Variants in SLCO1C1 observed in about 807,000 individuals in gnomAD.
The protein encoded by SLCO1C1 is solute carrier organic anion transporter family member 1C1, also known as OAT-RP-5.
In SLCO1C1, 70 loss-of-function variants were observed where a neutral mutation model predicts 76.4. The observed-to-expected ratio is 0.92, with a 90% CI of 0.76 to 1.12. The LOEUF is 1.12. Among genes scored for constraint, SLCO1C1 ranks in the 50% most tolerant of loss-of-function variants. The pLI, the probability that SLCO1C1 is intolerant of heterozygous loss-of-function variation, is 0.00. For missense variants in SLCO1C1, 912 were observed against 823.8 expected, an observed-to-expected ratio of 1.11 and a Z score of -1.31; for synonymous variants, 306 against 286.1, an observed-to-expected ratio of 1.07 and a Z score of -0.70.
At chr12:20,745,336 A>T (rs1948993002) in intron 13 of SLCO1C1, among the ~76,000 whole-genome samples, 1 of 152,178 alleles carries the variant, frequency 6.6e-6, no homozygotes, top group South Asian at 2.1e-4. Context: ...ATACATGAAA[A>T]ACTTTAAATG....
chr12:20,735,747 C>T (rs895872206), intron 10 of SLCO1C1, among the ~76,000 whole-genome samples: 4 of 152,028 alleles, frequency 2.6e-5, no homozygotes, highest in African/African-American at 9.7e-5. Flanking sequence ...TTATGGTTGC[C>T]ATCATTAATG....
chr12:20,704,940 G>C (rs777844560), intron 3 of SLCO1C1, among the ~76,000 whole-genome samples: 2 of 151,840 alleles, frequency 1.3e-5, no homozygotes, highest in African/African-American at 4.8e-5. Context: ...GTTTATCAAA[G>C]CATGTTCTAG....
At chr12:20,717,703 TCATTTTTAGGTGGAAGCATGTTACAGCA>T (rs1947450928) in intron 7 of SLCO1C1, among the ~76,000 whole-genome samples, 2 of 116,594 alleles carry the variant, frequency 1.7e-5, no homozygotes, top group South Asian at 6.0e-4. Flanking sequence ...ACTCTGCAAG[TCATTTTTAGGTGGAAGCATGTTACAGCA>T]CATTATCGAG....
In SLCO1C1 at chr12:20,733,115, T is replaced by G. The variant is rs754160051; in HGVS notation, c.1382+11T>G. 1 of 1,536,300 alleles carries G rather than the reference T, an allele frequency of 6.5e-7. No homozygotes were observed. The highest frequency in any genetic ancestry group is 2.2e-5 in the Admixed American group (1 of 44,734). On this transcript the variant is annotated intron_variant, in intron 10 of 14. Transcript: ENST00000266509. ...TGTCTCCTACCAAGGGTATGTTCCC[T>G]CATTAAATAGTTTGAGGATATTGGT...
chr12:20,732,766 C>T, intron 9 of SLCO1C1, 143 bp from the exon 10 acceptor site: 1 of 829,662 alleles, frequency 1.2e-6, no homozygotes. Flanking sequence ...AGATACTCAT[C>T]ATACACTCTT....
chr12:20,745,140 G>A (rs34100556), intron 13 of SLCO1C1, among the ~76,000 whole-genome samples: 13,537 of 152,152 alleles, frequency 0.089, 774 homozygotes, highest in Non-Finnish European at 0.13. Flanking sequence ...TTTAAAAAAT[G>A]GTTACCTGTA....
chr12:20,708,280 A>G (rs1025757494), intron 4 of SLCO1C1, among the ~76,000 whole-genome samples: 13 of 152,062 alleles, frequency 8.5e-5, no homozygotes, highest in African/African-American at 3.1e-4. Context: ...AGCTCATTTA[A>G]CTCATTAATT....
intron 7 of SLCO1C1, 48 bp downstream of exon 7, chr12:20,717,278 CA>C: frequency 7.0e-7 from 1 of 1,426,022 alleles, no homozygotes; most frequent in Non-Finnish European, 9.6e-7. Flanking sequence ...GTCACTGTAA[CA>C]TTTTTAATGG....
chr12:20,697,175 T>C (rs1339092078), intron 1 of SLCO1C1: 1 of 152,032 alleles, frequency 6.6e-6, no homozygotes, highest in Non-Finnish European at 1.5e-5. Flanking sequence ...GGATAAATGA[T>C]AGCAGATTTT....
chr12:20,749,357 T>C (rs1050993336), intron 13 of SLCO1C1, among the ~76,000 whole-genome samples: 2 of 152,178 alleles, frequency 1.3e-5, no homozygotes, highest in African/African-American at 2.4e-5. Flanking sequence ...GGACTTGTGG[T>C]GGACTCCAAG....
chr12:20,736,329 C>A (rs569299334), intron 10 of SLCO1C1, among the ~76,000 whole-genome samples: 105 of 94,884 alleles, frequency 1.1e-3, no homozygotes, highest in South Asian at 1.5e-3. Flanking sequence ...CTCAAAAAAA[C>A]CAATTTTGGG....
chr12:20,742,824 C>G (rs962370472), intron 12 of SLCO1C1, among the ~76,000 whole-genome samples: 4 of 152,000 alleles, frequency 2.6e-5, no homozygotes, highest in Admixed American at 6.6e-5. Context: ...CGTGAGCCAC[C>G]GCGCCTGGCC....
At chr12:20,705,785 G>T (rs1946743477) in intron 3 of SLCO1C1, among the ~76,000 whole-genome samples, 164 bp from the exon 4 acceptor site, 1 of 151,920 alleles carries the variant, frequency 6.6e-6, no homozygotes, top group Non-Finnish European at 1.5e-5. Flanking sequence ...ATGAACATGA[G>T]AATTTCAAGG....
chr12:20,697,332 A>G (rs1334351003), intron 1 of SLCO1C1: 8 of 152,116 alleles, frequency 5.3e-5, no homozygotes, highest in Non-Finnish European at 8.8e-5. Context: ...AATTTAAGCC[A>G]GAAATTTAAT....
intron 14 of SLCO1C1, among the ~76,000 whole-genome samples, chr12:20,752,056 A>C (rs931899918): frequency 2.0e-5 from 3 of 152,172 alleles, no homozygotes; most frequent in African/African-American, 7.2e-5. Flanking sequence ...TGGTCTAAGG[A>C]AATAATTTAC....
Position 20,699,545 on chromosome 12 carries a change from T to G in SLCO1C1, c.-25-7T>G. On this transcript the variant is annotated splice_polypyrimidine_tract_variant and splice_region_variant and intron_variant, in intron 1 of 14. Transcript: ENST00000266509. ...TTTATTTTTACTTTAAAAACTAACT[T>G]TGACAGATCAGAGTCAAGGAATGTG... 3 of 1,566,846 alleles carry G rather than the reference T, an allele frequency of 1.9e-6. No homozygotes were observed. The highest frequency in any genetic ancestry group is 2.6e-6 in the Non-Finnish European group (3 of 1,163,526).
intron 10 of SLCO1C1, among the ~76,000 whole-genome samples, chr12:20,733,866 C>T (rs1948412189): frequency 6.6e-6 from 1 of 152,120 alleles, no homozygotes. Context: ...AACTATATTG[C>T]CCTTGCCCAT....
chr12:20,710,491 G>T (rs978524514), intron 4 of SLCO1C1, among the ~76,000 whole-genome samples: 6 of 152,028 alleles, frequency 3.9e-5, no homozygotes, highest in African/African-American at 1.5e-4. Context: ...AAAGAGTGTG[G>T]AGAACGTGGC....
At chr12:20,699,440 G>A (rs962019692) in intron 1 of SLCO1C1, 112 bp from the exon 2 acceptor site, 3 of 876,818 alleles carry the variant, frequency 3.4e-6, no homozygotes, top group Non-Finnish European at 4.9e-6. Flanking sequence ...GACAACAAAA[G>A]GTAGATTCAC....
Sources: gnomAD v4.1 joint callset for allele counts (sites outside exome capture counted in the v4.1 genomes callset) on GRCh38, gnomAD v4.1.1 for gene constraint, MANE v1.5 for transcripts, NCBI Gene and HGNC (gene_info 2026-07-23, HGNC 2026-07-21) for gene names.